Variants in ATP10B observed in about 807,000 individuals in gnomAD.
The protein encoded by ATP10B is phospholipid-transporting ATPase VB.
ATP10B carries 122 observed loss-of-function variants against 141.2 expected under a neutral mutation model. The ratio of observed to expected loss-of-function variants is 0.86; its 90% CI spans 0.75 to 1.00. ATP10B has a LOEUF of 1.00. Ranked by LOEUF, ATP10B falls within the 50% of genes least tolerant of loss-of-function variation. The pLI is 0.00. For missense variants in ATP10B, 1,876 were observed against 1,825.3 expected (o/e 1.03, Z -0.51); for synonymous variants, 685 against 692.0 (o/e 0.99, Z 0.16).
At chr5:160,861,024 A>C in the ATP10B span, among the ~76,000 whole-genome samples, 1 of 151,906 alleles carries the variant, frequency 6.6e-6, no homozygotes, top group Non-Finnish European at 1.5e-5. Context: ...TCTATCTTAA[A>C]AGATTATTTT....
intron 1 of ATP10B, among the ~76,000 whole-genome samples, chr5:160,797,940 G>GAAAAAAAGAAAAAAAAAAAAAAA (rs1772073129): frequency 1.5e-5 from 1 of 65,028 alleles, no homozygotes; most frequent in Non-Finnish European, 3.3e-5. Flanking sequence ...GAAAAGAAAA[G>GAAAAAAAGAAAAAAAAAAAAAAA]AAAAAAAGAA....
chr5:160,755,554 G>A (rs369272708), intron 2 of ATP10B, among the ~76,000 whole-genome samples: 1 of 150,742 alleles, frequency 6.6e-6, no homozygotes, highest in African/African-American at 2.4e-5. Context: ...GGTGGCTCAC[G>A]CCTGTAATCC....
Position 160,607,059 on chromosome 5 carries a change from C to A in ATP10B, c.2866G>T (p.Ala956Ser). ...QETCESILNC[A>S]LEELKQFREL... ...CGAAATTGCTTTAGCTCTTCCAATG[C>A]ACAATTGAGGATGGATTCACAGGTC... is the stretch of plus-strand genomic sequence containing the variant. Residue 956 changes from alanine to serine, a missense_variant, in exon 19 of 26, where the codon GCA (alanine) becomes TCA (serine). Ala to Ser is a moderately conservative substitution (Grantham distance 99). Transcript: ENST00000327245. 1 of 1,613,868 alleles carries A rather than the reference C, an allele frequency of 6.2e-7. No homozygotes were observed. Among genetic ancestry groups the A allele is most frequent in the Non-Finnish European group, 8.5e-7 (1 of 1,179,784 alleles).
chr5:160,589,714 A>G lies in ATP10B; in HGVS notation c.3646-18T>C. 6.3e-7 allele frequency: 1 copy of G among 1,580,444 alleles called. No homozygotes were observed. Among genetic ancestry groups the G allele is most frequent in the Non-Finnish European group, 8.7e-7 (1 of 1,149,524 alleles). On this transcript the variant is annotated intron_variant, in intron 23 of 25. Transcript: ENST00000327245. ...TTATAGGCCTGCAGAGGAGGAACAG[A>G]CAGGCATTGTCAGGTATGTCTGTGG...
intron 1 of ATP10B, among the ~76,000 whole-genome samples, chr5:160,830,615 C>A (rs1775001476): frequency 6.6e-6 from 1 of 151,828 alleles, no homozygotes; most frequent in Non-Finnish European, 1.5e-5. Flanking sequence ...TTCATGTAAT[C>A]TATGTTCATT....
At chr5:160,638,541 C>T (rs911273839) in intron 10 of ATP10B, among the ~76,000 whole-genome samples, 1 of 152,112 alleles carries the variant, frequency 6.6e-6, no homozygotes, top group Non-Finnish European at 1.5e-5. Context: ...GCTCTCCTTA[C>T]AGCTGTGAGC....
the ATP10B span, among the ~76,000 whole-genome samples, chr5:160,893,167 CA>C: frequency 5.8e-3 from 884 of 152,130 alleles, 7 homozygotes; most frequent in African/African-American, 0.02. Context: ...TTTTCATACC[CA>C]AGTGGCACCT....
intron 3 of ATP10B, among the ~76,000 whole-genome samples, chr5:160,690,289 G>T (rs1764001058): frequency 1.3e-5 from 2 of 152,170 alleles, no homozygotes; most frequent in South Asian, 4.1e-4. Flanking sequence ...TCAGGACATA[G>T]GCATGGGCAA....
At chr5:160,796,466 T>C (rs1266715071) in intron 1 of ATP10B, among the ~76,000 whole-genome samples, 1 of 152,212 alleles carries the variant, frequency 6.6e-6, no homozygotes, top group African/African-American at 2.4e-5. Flanking sequence ...GCACTTTCTT[T>C]GTATTCTATC....
chr5:160,926,165 C>G, the ATP10B span, among the ~76,000 whole-genome samples: 1 of 152,158 alleles, frequency 6.6e-6, no homozygotes, highest in Non-Finnish European at 1.5e-5. Flanking sequence ...ACTGGATAAT[C>G]TACATGAGAT....
the ATP10B span, among the ~76,000 whole-genome samples, chr5:160,920,383 G>A: frequency 6.6e-6 from 1 of 152,164 alleles, no homozygotes; most frequent in African/African-American, 2.4e-5. Flanking sequence ...TGGGCTCAAA[G>A]CTATTAAATA....
At chr5:160,867,065 TTAGA>T in the ATP10B span, among the ~76,000 whole-genome samples, 59 of 152,268 alleles carry the variant, frequency 3.9e-4, no homozygotes, top group African/African-American at 1.4e-3. Flanking sequence ...CTATATGTTC[TTAGA>T]TAAATTACCT....
chr5:160,593,546 C>T (rs149412657), intron 22 of ATP10B, among the ~76,000 whole-genome samples: 2 of 152,304 alleles, frequency 1.3e-5, no homozygotes, highest in Non-Finnish European at 2.9e-5. Context: ...TCCTCACCAG[C>T]AATGGAACAA....
At chr5:160,566,717 G>A (rs541359342) in intron 25 of ATP10B, among the ~76,000 whole-genome samples, 1 of 152,214 alleles carries the variant, frequency 6.6e-6, no homozygotes, top group Non-Finnish European at 1.5e-5. Context: ...ACTATGCGGT[G>A]TATGGAGAAA....
At position 160,808,375 on chromosome 5, in the gene ATP10B, T is replaced by C. The variant is rs140195901; in HGVS notation, c.-575-22572A>G. 4.3e-3 allele frequency among the ~76,000 whole-genome samples: 648 copies of C among 152,308 alleles called. 5 individuals carry two copies. The highest frequency in any genetic ancestry group is 0.015 in the African/African-American group (619 of 41,548). ...AGGACAATACTTTGAGCATGGCAAG[T>C]TGTCTCTGAGAGTTATCAGAGGATC... On this transcript the variant is annotated intron_variant, in intron 1 of 25. Coordinates refer to ENST00000327245, the MANE Select transcript of ATP10B (RefSeq NM_025153.3).
At position 160,724,671 on chromosome 5, in the gene ATP10B, TC is replaced by T. The variant is rs954978732; in HGVS notation, c.-330-7638del. Among the ~76,000 whole-genome samples the T allele has an allele frequency of 5.2e-4, 79 of 152,214 alleles. 1 individual carries two copies. Among genetic ancestry groups the T allele is most frequent in the Non-Finnish European group, 1.2e-4 (8 of 68,034 alleles). On this transcript the variant is annotated intron_variant, in intron 2 of 25. Coordinates refer to ENST00000327245, the MANE Select transcript of ATP10B (RefSeq NM_025153.3). ...TCAGTCTGCTCCAGCTATAATGGCC[TC>T]CCAGTTGTTGTTAGGGCACACAGGT...
At chr5:160,622,343 C>T (rs762340707) in intron 14 of ATP10B, 51 bp downstream of exon 14, 10 of 1,533,764 alleles carry the variant, frequency 6.5e-6, no homozygotes, top group Non-Finnish European at 7.0e-6. Flanking sequence ...ACCCTGCCTT[C>T]TACTCCTCTA....
In ATP10B at chr5:160,824,663, C is replaced by T. The variant is rs532079880; in HGVS notation, c.-576+27278G>A. On this transcript the variant is annotated intron_variant, in intron 1 of 25. Transcript: ENST00000327245. ...TACAGCATGTTTCTTTGCTGAATAC[C>T]GTAGGCCACTGTAACATAATGGTTA... is the stretch of plus-strand genomic sequence containing the variant. Among the ~76,000 whole-genome samples, 12 of 151,248 alleles carry T rather than the reference C, an allele frequency of 7.9e-5. No homozygotes were observed. In the East Asian group the frequency reaches 9.6e-4, roughly 12 times the overall value.
the ATP10B span, among the ~76,000 whole-genome samples, chr5:160,871,507 T>C: frequency 6.6e-6 from 1 of 152,100 alleles, no homozygotes; most frequent in South Asian, 2.1e-4. Flanking sequence ...TAGTCTTTTA[T>C]CCCTTGCTCC....
Sources: allele counts gnomAD v4.1 joint callset (sites outside exome capture counted in the v4.1 genomes callset), GRCh38; gene constraint gnomAD v4.1.1; transcripts MANE v1.5; gene names NCBI Gene and HGNC (gene_info 2026-07-23, HGNC 2026-07-21).